ATRNL1: variants seen among roughly 807,000 people sequenced by gnomAD.
ATRNL1 encodes attractin-like protein 1.
ATRNL1 carries 95 observed loss-of-function variants against 182.7 expected under a neutral mutation model. The ratio of observed to expected loss-of-function variants is 0.52; its 90% CI spans 0.44 to 0.62. The LOEUF is 0.62. ATRNL1 is among the 20% of genes least tolerant of loss of function. The pLI, the probability that ATRNL1 is intolerant of heterozygous loss-of-function variation, is 0.00. For missense variants in ATRNL1, 1,471 were observed against 1,679.5 expected, an observed-to-expected ratio of 0.88 and a Z score of 2.17; for synonymous variants, 576 against 568.3, an observed-to-expected ratio of 1.01 and a Z score of -0.19.
At chr10:115,877,122 G>A (rs368911510) in intron 28 of ATRNL1, among the ~76,000 whole-genome samples, 2 of 152,220 alleles carry the variant, frequency 1.3e-5, no homozygotes, top group East Asian at 1.9e-4. Context: ...ATACTTTTCC[G>A]GCTTTCTTAG....
intron 13 of ATRNL1, among the ~76,000 whole-genome samples, chr10:115,270,297 ATATT>A (rs1851792578): frequency 6.9e-6 from 1 of 145,340 alleles, no homozygotes; most frequent in Admixed American, 7.0e-5. Flanking sequence ...ATTTGTTTAT[ATATT>A]TGTTTATATA....
chr10:115,566,077 G>C (rs1555001710), intron 26 of ATRNL1, among the ~76,000 whole-genome samples: 1 of 151,950 alleles, frequency 6.6e-6, no homozygotes, highest in Admixed American at 6.6e-5. Flanking sequence ...CTATACGATA[G>C]CTATAGTTTT....
chr10:115,495,450 C>T (rs1305475883), intron 24 of ATRNL1, among the ~76,000 whole-genome samples: 1 of 151,944 alleles, frequency 6.6e-6, no homozygotes, highest in African/African-American at 2.4e-5. Flanking sequence ...TTGATGTGGA[C>T]GTTTAGCACT....
chr10:115,229,702 GA>G (rs1399965165), intron 9 of ATRNL1, among the ~76,000 whole-genome samples: 5 of 152,056 alleles, frequency 3.3e-5, no homozygotes, highest in African/African-American at 1.2e-4. Flanking sequence ...ATCATGATAA[GA>G]GATTTGGAAT....
chr10:115,715,736 G>A (rs1330150026), intron 26 of ATRNL1, among the ~76,000 whole-genome samples: 1 of 152,176 alleles, frequency 6.6e-6, no homozygotes, highest in East Asian at 1.9e-4. Context: ...GTGAAGTTCC[G>A]AATTTAGTTT....
rs375127246 is a variant in ATRNL1 at position 115,381,432 on chromosome 10, A to ATTTTTTTTTTTTTTT, written c.3176-13224_3176-13210dup. On this transcript the variant is annotated intron_variant, in intron 19 of 28. Coordinates refer to ENST00000355044, the MANE Select transcript of ATRNL1 (RefSeq NM_207303.4). ...CAGGCACATGCCACCATACCTGGCA[A>ATTTTTTTTTTTTTTT]TTTTTTTTTTTTTTTTTAGTAGACA... is the stretch of plus-strand genomic sequence containing the variant. Among the ~76,000 whole-genome samples, 393 of 68,496 alleles carry ATTTTTTTTTTTTTTT rather than the reference A, an allele frequency of 5.7e-3. 75 individuals are homozygous for ATTTTTTTTTTTTTTT. Among genetic ancestry groups the ATTTTTTTTTTTTTTT allele is most frequent in the African/African-American group, 0.016 (261 of 16,682 alleles). 44.9% of individuals were successfully genotyped at this position (68,496 alleles called of 152,430 possible).
intron 8 of ATRNL1, among the ~76,000 whole-genome samples, chr10:115,200,967 T>C (rs1456212848): frequency 6.6e-6 from 1 of 151,394 alleles, no homozygotes; most frequent in Non-Finnish European, 1.5e-5. Flanking sequence ...TTTGCATTTC[T>C]CTGATGGCCA....
chr10:115,887,404 T>C (rs1555110057), intron 28 of ATRNL1, among the ~76,000 whole-genome samples: 1 of 152,190 alleles, frequency 6.6e-6, no homozygotes, highest in African/African-American at 2.4e-5. Context: ...ATTTGCTGTC[T>C]AGTGAGGGGC....
Position 115,469,282 on chromosome 10 carries a change from A to G in ATRNL1, c.3607A>G (p.Thr1203Ala). Residue 1203 changes from threonine (T) to alanine (A), a missense_variant, in exon 24 of 29, where the codon ACA (threonine) becomes GCA (alanine). Transcript: ENST00000355044. ...KFNFRSNPNI[T>A]FYVYVSNFSW... ...TAACTTTAGAAGCAATCCTAACATTACATTCTATGTGTACGTCAGCAACTT... is the reference window on the plus strand; with the variant it reads ...TAACTTTAGAAGCAATCCTAACATTGCATTCTATGTGTACGTCAGCAACTT... 1 of 1,539,058 alleles carries G rather than the reference A, an allele frequency of 6.5e-7. No homozygotes were observed. Among genetic ancestry groups the G allele is most frequent in the Non-Finnish European group, 8.7e-7 (1 of 1,145,350 alleles).
Position 115,160,024 on chromosome 10 carries a change from A to G in ATRNL1, c.830-16A>G, listed in dbSNP as rs781998290. 12 of 1,389,764 alleles carry G rather than the reference A, an allele frequency of 8.6e-6. No individual in the cohort carries two copies. Among genetic ancestry groups the G allele is most frequent in the South Asian group, 4.2e-5 (3 of 71,408 alleles). 86.1% of individuals were successfully genotyped at this position (1,389,764 alleles called of 1,614,324 possible). A position where few individuals can be genotyped will look rare whatever the true frequency, so the allele number is the denominator to read the frequency against. On this transcript the variant is annotated splice_polypyrimidine_tract_variant and intron_variant, in intron 5 of 28. Coordinates refer to ENST00000355044, the MANE Select transcript of ATRNL1 (RefSeq NM_207303.4). ...TTTGTTTAATCTAGTGTGTTGTTTCATTTTTTTTTTAATAGGTCCTGATTG... is the reference window on the plus strand; with the variant it reads ...TTTGTTTAATCTAGTGTGTTGTTTCGTTTTTTTTTTAATAGGTCCTGATTG...
intron 21 of ATRNL1, among the ~76,000 whole-genome samples, chr10:115,442,163 T>C (rs1846719088): frequency 6.6e-6 from 1 of 151,990 alleles, no homozygotes; most frequent in Admixed American, 6.6e-5. Context: ...ATGTGGCCCT[T>C]ACCTGCTTTC....
At chr10:115,554,958 C>G (rs1205496549) in intron 26 of ATRNL1, among the ~76,000 whole-genome samples, 1 of 151,608 alleles carries the variant, frequency 6.6e-6, no homozygotes, top group Non-Finnish European at 1.5e-5. Flanking sequence ...TCTCGCTAAC[C>G]ACAAAATCTT....
chr10:115,334,485 C>G (rs1554936119), intron 19 of ATRNL1, 66 bp downstream of exon 19: 1 of 1,293,444 alleles, frequency 7.7e-7, no homozygotes, highest in Non-Finnish European at 1.0e-6. Flanking sequence ...GAAAGCAGCG[C>G]CTGTTGTGGA....
At chr10:115,325,663 C>T (rs1453109367) in intron 18 of ATRNL1, among the ~76,000 whole-genome samples, 1 of 152,100 alleles carries the variant, frequency 6.6e-6, no homozygotes, top group Non-Finnish European at 1.5e-5. Context: ...TATGACTAAC[C>T]TTTGTTTTCA....
intron 19 of ATRNL1, among the ~76,000 whole-genome samples, chr10:115,358,582 G>A (rs959542857): frequency 1.3e-5 from 2 of 151,342 alleles, no homozygotes; most frequent in East Asian, 1.9e-4. Flanking sequence ...AATGTTTTTC[G>A]ATTAATTCTA....
chr10:115,296,890 A>AC (rs1853220825), intron 15 of ATRNL1, among the ~76,000 whole-genome samples: 1 of 152,244 alleles, frequency 6.6e-6, no homozygotes, highest in African/African-American at 2.4e-5. Context: ...AGATCAAAAG[A>AC]CAATTGCTGT....
chr10:115,108,208 A>C (rs2143501707), intron 1 of ATRNL1, among the ~76,000 whole-genome samples: 2 of 152,228 alleles, frequency 1.3e-5, no homozygotes, highest in Middle Eastern at 6.8e-3. Flanking sequence ...TACTATATGC[A>C]GTTAAAAGTA....
intron 9 of ATRNL1, among the ~76,000 whole-genome samples, 177 bp from the exon 10 acceptor site, chr10:115,241,394 A>AT (rs541921859): frequency 0.012 from 1,839 of 150,700 alleles, 35 homozygotes; most frequent in African/African-American, 0.04. Flanking sequence ...GCCTCAAAAT[A>AT]TTTTTTTTTG....
intron 26 of ATRNL1, among the ~76,000 whole-genome samples, chr10:115,712,410 C>G (rs1018621939): frequency 6.6e-6 from 1 of 152,080 alleles, no homozygotes; most frequent in African/African-American, 2.4e-5. Flanking sequence ...AGATTGTAAA[C>G]CCTGATTTTA....
Sources: allele counts gnomAD v4.1 joint callset (sites outside exome capture counted in the v4.1 genomes callset), GRCh38; gene constraint gnomAD v4.1.1; transcripts MANE v1.5; gene names NCBI Gene and HGNC (gene_info 2026-07-23, HGNC 2026-07-21).